PLEKHA1: variants seen among roughly 807,000 people sequenced by gnomAD.
The protein encoded by PLEKHA1 is pleckstrin homology domain-containing family A member 1.
PLEKHA1 carries 34 observed loss-of-function variants against 52.0 expected under a neutral mutation model. The observed-to-expected ratio is 0.65, with a 90% CI of 0.50 to 0.87. The LOEUF is 0.87. Among genes scored for constraint, PLEKHA1 ranks in the 40% least tolerant of loss-of-function variants. The pLI, the probability that PLEKHA1 is intolerant of heterozygous loss-of-function variation, is 0.00. For missense variants in PLEKHA1, 497 were observed against 504.2 expected, an observed-to-expected ratio of 0.99 and a Z score of 0.14; for synonymous variants, 163 against 170.7, an observed-to-expected ratio of 0.95 and a Z score of 0.35.
intron 1 of PLEKHA1, among the ~76,000 whole-genome samples, chr10:122,385,249 A>G (rs2096672472): frequency 1.3e-5 from 2 of 150,762 alleles, no homozygotes; most frequent in African/African-American, 2.4e-5. Context: ...TAACACTAAA[A>G]CCACTAGTTG....
chr10:122,441,261 G>A, the PLEKHA1 span: 1 of 152,160 alleles, frequency 6.6e-6, no homozygotes, highest in Non-Finnish European at 1.5e-5. Context: ...CTTGAGTTCA[G>A]GAGTTCGAGA....
intron 7 of PLEKHA1, 64 bp from the exon 8 acceptor site, chr10:122,417,836 A>C (rs895679278): frequency 4.8e-6 from 6 of 1,244,268 alleles, no homozygotes; most frequent in African/African-American, 4.4e-5. Context: ...AGGGTAATTA[A>C]GTGGTGACTA....
Position 122,417,912 on chromosome 10 carries a change from A to G in PLEKHA1, c.625A>G (p.Lys209Glu), listed in dbSNP as rs1481972126. 1 of 1,611,048 alleles carries G rather than the reference A, an allele frequency of 6.2e-7. No homozygotes were observed. Among genetic ancestry groups the G allele is most frequent in the Admixed American group, 1.7e-5 (1 of 59,970 alleles). ...VKQGAVMKNWKRRYFQLDENT... is the reference protein window; with the variant it reads ...VKQGAVMKNWERRYFQLDENT... ...TCATCTCTGGTAGATGAAAAACTGGAAGAGAAGATATTTTCAATTGGATGA... is the reference window on the plus strand; with the variant it reads ...TCATCTCTGGTAGATGAAAAACTGGGAGAGAAGATATTTTCAATTGGATGA... The change falls in exon 8 of 12, where the codon AAG becomes GAG. Residue 209 changes from lysine to glutamate, a missense_variant. Lys to Glu is a moderately conservative substitution (Grantham distance 56). Coordinates refer to ENST00000368990, the MANE Select transcript of PLEKHA1 (RefSeq NM_001001974.4).
At position 122,430,799 on chromosome 10, in the gene PLEKHA1, A is replaced by G. The variant is rs1023256808; in HGVS notation, c.*861A>G. On this transcript the variant is annotated 3_prime_UTR_variant, in exon 12 of 12. Coordinates refer to ENST00000368990, the MANE Select transcript of PLEKHA1 (RefSeq NM_001001974.4). Reference sequence around the variant, plus strand: ...TAGTCATGAAATTGTTGTGACCTCTACTTTTTGTCACTAATAGCCTACATT... The same window carrying G: ...TAGTCATGAAATTGTTGTGACCTCTGCTTTTTGTCACTAATAGCCTACATT... 4 of 152,296 alleles carry G rather than the reference A, an allele frequency of 2.6e-5. No individual in the cohort carries two copies. Among genetic ancestry groups the G allele is most frequent in the South Asian group, 2.1e-4 (1 of 4,828 alleles). The allele number at this position is 152,296 out of a possible 1,614,324, so 9.4% of individuals were successfully genotyped here. A position where few individuals can be genotyped will look rare whatever the true frequency, so the allele number is the denominator to read the frequency against.
At chr10:122,435,732 T>G (rs893499705), downstream of PLEKHA1, 1 of 152,076 alleles carries the variant, frequency 6.6e-6, no homozygotes, top group African/African-American at 2.4e-5. Context: ...AAGTTTTGGT[T>G]TTTTAATTAT....
At chr10:122,405,707 T>G (rs891908510) in intron 4 of PLEKHA1, among the ~76,000 whole-genome samples, 9 of 151,994 alleles carry the variant, frequency 5.9e-5, no homozygotes, top group Non-Finnish European at 8.8e-5. Context: ...AAGCAACTAC[T>G]ACTCAAGGGC....
intron 2 of PLEKHA1, among the ~76,000 whole-genome samples, chr10:122,396,043 A>G (rs950123125): frequency 6.6e-6 from 1 of 151,740 alleles, no homozygotes; most frequent in Non-Finnish European, 1.5e-5. Flanking sequence ...ACCTGATGGT[A>G]ATCATACTAG....
At position 122,430,021 on chromosome 10, in the gene PLEKHA1, A is replaced by C. The variant is rs2097403148; in HGVS notation, c.*83A>C. 3 of 1,459,716 alleles carry C rather than the reference A, an allele frequency of 2.1e-6. No individual in the cohort carries two copies. The highest frequency in any genetic ancestry group is 4.5e-5 in the Admixed American group (2 of 44,100). 90.4% of individuals were successfully genotyped at this position (1,459,716 alleles called of 1,614,324 possible). A position where few individuals can be genotyped will look rare whatever the true frequency, so the allele number is the denominator to read the frequency against. ...TTCTAGCCAAAGATGATAAAGGGGGAAATGGTTTTTAGTGCGTATATTATA... is the reference window on the plus strand; with the variant it reads ...TTCTAGCCAAAGATGATAAAGGGGGCAATGGTTTTTAGTGCGTATATTATA... On this transcript the variant is annotated 3_prime_UTR_variant, in exon 12 of 12. Transcript: ENST00000368990.
the PLEKHA1 span, chr10:122,439,130 G>A: frequency 2.0e-5 from 3 of 152,152 alleles, no homozygotes; most frequent in African/African-American, 7.2e-5. Flanking sequence ...TCTTCAATAT[G>A]TCTGGAAATA....
At chr10:122,399,038 CTCT>C (rs1263939804) in intron 3 of PLEKHA1, among the ~76,000 whole-genome samples, 1 of 152,138 alleles carries the variant, frequency 6.6e-6, no homozygotes, top group East Asian at 1.9e-4. Flanking sequence ...TCCTCCATTG[CTCT>C]TCTTTTAAAA....
chr10:122,428,312 CA>C (rs1565344941), intron 11 of PLEKHA1: 1 of 1,546,870 alleles, frequency 6.5e-7, no homozygotes, highest in Non-Finnish European at 8.7e-7. Context: ...CCCTTGTATA[CA>C]GAGGTATACA....
At chr10:122,391,865 T>C (rs1022095399) in intron 1 of PLEKHA1, among the ~76,000 whole-genome samples, 6 of 152,120 alleles carry the variant, frequency 3.9e-5, no homozygotes, top group Admixed American at 2.6e-4. Context: ...AACTTTTTGG[T>C]GTATTTTATC....
intron 1 of PLEKHA1, among the ~76,000 whole-genome samples, chr10:122,382,909 G>C (rs1193659129): frequency 2.0e-5 from 3 of 152,096 alleles, no homozygotes; most frequent in Admixed American, 2.0e-4. Context: ...AGGAATGCTG[G>C]ATCATAGGAT....
At chr10:122,421,624 G>C (rs1565307017) in intron 8 of PLEKHA1, 2 of 151,916 alleles carry the variant, frequency 1.3e-5, no homozygotes, top group Admixed American at 6.6e-5. Context: ...ATAAATTCGT[G>C]TTTGTTTCAA....
At chr10:122,379,199 G>A (rs2096580517) in intron 1 of PLEKHA1, among the ~76,000 whole-genome samples, 2 of 152,036 alleles carry the variant, frequency 1.3e-5, no homozygotes, top group Non-Finnish European at 2.9e-5. Context: ...TTTACCCACT[G>A]GTTACGTGAA....
chr10:122,416,128 A>G, intron 7 of PLEKHA1, 126 bp downstream of exon 7: 1 of 1,058,130 alleles, frequency 9.5e-7, no homozygotes. Context: ...CATGCTGAGG[A>G]GAGTCAGGAG....
chr10:122,421,792 A>G (rs551801219), intron 8 of PLEKHA1: 8 of 152,326 alleles, frequency 5.3e-5, no homozygotes, highest in Admixed American at 3.3e-4. Context: ...TAAAACTGCA[A>G]TGAAATATTC....
chr10:122,426,974 T>G lies in PLEKHA1; in HGVS notation c.843T>G (p.Ile281Met). Residue 281 changes from isoleucine (I) to methionine (M), a missense_variant, in exon 11 of 12, where the codon ATT (isoleucine) becomes ATG (methionine). By Grantham distance (10) the Ile-to-Met change is conservative. Coordinates refer to ENST00000368990, the MANE Select transcript of PLEKHA1 (RefSeq NM_001001974.4). The part of the protein sequence containing the change: ...ADSPEEMHSW[I>M]KAVSGAIVAQ... ...GCCCTGAAGAGATGCACAGTTGGATTAAAGCAGTCTCTGGCGCCATTGTAG... is the reference window on the plus strand; with the variant it reads ...GCCCTGAAGAGATGCACAGTTGGATGAAAGCAGTCTCTGGCGCCATTGTAG... The G allele has an allele frequency of 1.2e-6, 2 of 1,614,104 alleles. No individual in the cohort carries two copies. The highest frequency in any genetic ancestry group is 1.7e-6 in the Non-Finnish European group (2 of 1,179,974).
intron 1 of PLEKHA1, among the ~76,000 whole-genome samples, chr10:122,390,643 TG>T (rs900650802): frequency 5.3e-4 from 80 of 152,262 alleles, no homozygotes; most frequent in African/African-American, 1.8e-3. Flanking sequence ...CTGGGCATGG[TG>T]GTACATGCAT....
Sources: allele counts gnomAD v4.1 joint callset (sites outside exome capture counted in the v4.1 genomes callset), GRCh38; gene constraint gnomAD v4.1.1; transcripts MANE v1.5; gene names NCBI Gene and HGNC (gene_info 2026-07-23, HGNC 2026-07-21).